NEBL: variants seen among roughly 807,000 people sequenced by gnomAD.
NEBL encodes LIM and SH3 protein 2.
Under a neutral mutation model 140.2 loss-of-function variants are expected in NEBL, and 122 were observed. That is an observed-to-expected ratio of 0.87 (90% CI 0.75 to 1.01). The LOEUF (loss-of-function observed/expected upper bound fraction) is 1.01. Among genes scored for constraint, NEBL ranks in the 50% least tolerant of loss-of-function variants. The pLI is 0.00. For missense variants in NEBL, 1,365 were observed against 1,231.3 expected (o/e 1.11, Z -1.62); for synonymous variants, 436 against 398.9 (o/e 1.09, Z -1.11).
intron 3 of NEBL, among the ~76,000 whole-genome samples, chr10:21,202,428 G>GT (rs1466350905): frequency 6.1e-5 from 9 of 147,390 alleles, no homozygotes; most frequent in Admixed American, 1.3e-4. Context: ...ACAGAATAGA[G>GT]TTGATTCACC....
intron 3 of NEBL, among the ~76,000 whole-genome samples, chr10:20,996,619 C>G (rs1351816972): frequency 6.6e-6 from 1 of 152,196 alleles, no homozygotes; most frequent in Non-Finnish European, 1.5e-5. Flanking sequence ...CCAAGTTTAA[C>G]TTGTTCCAAA....
chr10:21,288,841 TATATATATA>T (rs1379161267), intron 1 of NEBL, among the ~76,000 whole-genome samples: 2 of 88,958 alleles, frequency 2.2e-5, no homozygotes, highest in Admixed American at 2.7e-4. Context: ...TATATATATA[TATATATATA>T]AAAATTTTTT....
intron 2 of NEBL, among the ~76,000 whole-genome samples, chr10:21,138,613 A>T (rs907360250): frequency 2.6e-5 from 4 of 152,116 alleles, no homozygotes; most frequent in Admixed American, 6.5e-5. Context: ...ACATTATTTT[A>T]AAAAAACTAT....
intron 2 of NEBL, among the ~76,000 whole-genome samples, chr10:21,090,678 T>C (rs982877687): frequency 6.6e-6 from 1 of 152,184 alleles, no homozygotes; most frequent in Non-Finnish European, 1.5e-5. Flanking sequence ...CAACATCACT[T>C]GGAGCCAAAT....
chr10:20,932,802 G>A (rs1834259813), intron 4 of NEBL, among the ~76,000 whole-genome samples: 1 of 152,094 alleles, frequency 6.6e-6, no homozygotes, highest in African/African-American at 2.4e-5. Flanking sequence ...TTTGCCAAAA[G>A]GACAAAAGTT....
chr10:20,830,840 G>A (rs1270463052), intron 16 of NEBL, among the ~76,000 whole-genome samples: 1 of 149,464 alleles, frequency 6.7e-6, no homozygotes, highest in Non-Finnish European at 1.5e-5. Context: ...GGAGTTTGAG[G>A]CTGCAGCAAG....
intron 2 of NEBL, among the ~76,000 whole-genome samples, chr10:21,138,929 C>G (rs1685629054): frequency 6.6e-6 from 1 of 151,764 alleles, no homozygotes; most frequent in African/African-American, 2.4e-5. Context: ...ATTAAATTAC[C>G]AAAAGTAAAT....
At chr10:20,786,239 T>C (rs1012423765) in intron 27 of NEBL, among the ~76,000 whole-genome samples, 2 of 152,168 alleles carry the variant, frequency 1.3e-5, no homozygotes, top group African/African-American at 4.8e-5. Flanking sequence ...AGATAATATG[T>C]GATTTCATAT....
At chr10:21,288,820 G>GTATATATATATATATATATATATATA (rs71392181) in intron 1 of NEBL, among the ~76,000 whole-genome samples, 5 of 35,008 alleles carry the variant, frequency 1.4e-4, no homozygotes, top group Admixed American at 5.5e-4. Flanking sequence ...GTGTGTGTGT[G>GTATATATATATATATATATATATATA]TATATATATA....
chr10:21,054,878 C>A (rs1365486285), intron 2 of NEBL, among the ~76,000 whole-genome samples: 1 of 152,102 alleles, frequency 6.6e-6, no homozygotes, highest in Non-Finnish European at 1.5e-5. Flanking sequence ...GAGTTAATTA[C>A]CCAGGCACTG....
At chr10:20,986,351 T>C (rs772459968) in intron 3 of NEBL, among the ~76,000 whole-genome samples, 11 of 152,220 alleles carry the variant, frequency 7.2e-5, no homozygotes, top group Admixed American at 1.3e-4. Flanking sequence ...ACATATCTCA[T>C]TGACCTAAGC....
chr10:21,223,158 T>C (rs1472465787), intron 3 of NEBL, among the ~76,000 whole-genome samples: 10 of 152,256 alleles, frequency 6.6e-5, no homozygotes, highest in Non-Finnish European at 1.3e-4. Context: ...TATCCAACTA[T>C]ATTTTTGCAC....
intron 3 of NEBL, among the ~76,000 whole-genome samples, chr10:20,973,758 G>A (rs554936727): frequency 5.3e-5 from 8 of 152,280 alleles, no homozygotes; most frequent in African/African-American, 1.9e-4. Flanking sequence ...TTTGATTTAG[G>A]AACTAGAACC....
At chr10:21,130,317 A>AC (rs1839043804) in intron 2 of NEBL, among the ~76,000 whole-genome samples, 1 of 152,096 alleles carries the variant, frequency 6.6e-6, no homozygotes, top group Non-Finnish European at 1.5e-5. Flanking sequence ...AAATTTCAAC[A>AC]CCCCTCTATC....
chr10:20,932,358 G>A (rs1834234617), intron 4 of NEBL, among the ~76,000 whole-genome samples: 1 of 151,600 alleles, frequency 6.6e-6, no homozygotes, highest in African/African-American at 2.4e-5. Context: ...TCACAAGTGG[G>A]AGTTAAACAA....
At chr10:20,860,572 A>AAG (rs1239849467) in intron 7 of NEBL, among the ~76,000 whole-genome samples, 1 of 149,074 alleles carries the variant, frequency 6.7e-6, no homozygotes, top group East Asian at 2.1e-4. Flanking sequence ...AAAAAGAAAA[A>AAG]AAAAAAAAAA....
At position 20,808,587 on chromosome 10, in the gene NEBL, T is replaced by G. The variant is rs751930228; in HGVS notation, c.2684A>C (p.Asp895Ala). The G allele has an allele frequency of 5.6e-6, 9 of 1,613,780 alleles. No homozygotes were observed. The highest frequency in any genetic ancestry group is 7.6e-6 in the Non-Finnish European group (9 of 1,179,746). ...SSSTFGTGLG[D>A]DRSEISEIYP... ...AATCTCGGAGATTTCTGACCTGTCG[T>G]CTCCGAGACCTGTACCGAAAGTACT... The change falls in exon 26 of 28, where the codon GAC (aspartate) becomes GCC (alanine). Residue 895 changes from aspartate to alanine, a missense_variant. This residue lies in a region of NEBL where 1,323 missense variants were observed against 1,154.8 expected (regional missense o/e 1.15). Transcript: ENST00000377122.
chr10:20,939,539 T>C (rs1834721155), intron 4 of NEBL, among the ~76,000 whole-genome samples: 1 of 152,032 alleles, frequency 6.6e-6, no homozygotes, highest in Non-Finnish European at 1.5e-5. Context: ...ATGAGCAAAA[T>C]AACCAACTAA....
intron 19 of NEBL, 111 bp downstream of exon 19, chr10:20,823,097 C>A (rs1839506213): frequency 5.1e-6 from 4 of 777,832 alleles, no homozygotes; most frequent in Non-Finnish European, 6.3e-6. Context: ...GGAACCGATC[C>A]TCTCGCAATG....
Sources: gnomAD v4.1 joint callset for allele counts (sites outside exome capture counted in the v4.1 genomes callset) on GRCh38, gnomAD v4.1.1 for gene constraint, gnomAD v4.1.1 regional missense constraint, MANE v1.5 for transcripts, NCBI Gene and HGNC (gene_info 2026-07-23, HGNC 2026-07-21) for gene names.